The following SIGLECL1 variants were observed in gnomAD, a reference collection of about 807,000 sequenced individuals.
The protein encoded by SIGLECL1 is SIGLEC family like 1, also known as SIGLEC family-like protein 1.
In SIGLECL1, 16 loss-of-function variants were observed where a neutral mutation model predicts 19.1. The ratio of observed to expected loss-of-function variants is 0.84; its 90% confidence interval spans 0.57 to 1.27. SIGLECL1 has a LOEUF of 1.27. SIGLECL1 is among the 50% of genes most tolerant of loss of function. The pLI is 0.00. For missense variants in SIGLECL1, 210 were observed against 239.4 expected, an observed-to-expected ratio of 0.88 and a Z score of 0.81; for synonymous variants, 89 against 90.4, an observed-to-expected ratio of 0.98 and a Z score of 0.09.
rs1239086827 is a variant in SIGLECL1, at chr19:51,265,760, A to G, written c.305-17A>G. Reference sequence around the variant, plus strand: ...TTGGCTCCGATGCCAAACTTCTCACATGCTCTCTGCTTCCAGGAAAGAGTT... The same window carrying G: ...TTGGCTCCGATGCCAAACTTCTCACGTGCTCTCTGCTTCCAGGAAAGAGTT... On this transcript the variant is annotated splice_polypyrimidine_tract_variant and intron_variant, in intron 3 of 5. Coordinates refer to ENST00000601727, the MANE Select transcript of SIGLECL1 (RefSeq NM_001385465.1). 1.9e-6 allele frequency: 3 copies of G among 1,614,016 alleles called. No individual in the cohort carries two copies. Among genetic ancestry groups the G allele is most frequent in the Non-Finnish European group, 1.7e-6 (2 of 1,179,992 alleles).
intron 1 of SIGLECL1, among the ~76,000 whole-genome samples, chr19:51,257,370 C>A (rs1203394563): frequency 6.6e-6 from 1 of 150,474 alleles, no homozygotes; most frequent in Non-Finnish European, 1.5e-5. Context: ...TGCTCCGTTG[C>A]ACTCCATCCA....
intron 1 of SIGLECL1, among the ~76,000 whole-genome samples, chr19:51,253,102 CT>C (rs1402636157): frequency 5.3e-5 from 6 of 112,454 alleles, no homozygotes; most frequent in Middle Eastern, 8.2e-3. Context: ...ACTCCAGACC[CT>C]GTGTTAAAAA....
At chr19:51,266,280 A>G (rs898432568) in intron 4 of SIGLECL1, among the ~76,000 whole-genome samples, 6 of 152,130 alleles carry the variant, frequency 3.9e-5, no homozygotes, top group African/African-American at 1.2e-4. Context: ...CCAAAGTCCA[A>G]AAGTTCTCGA....
chr19:51,265,374 C>T lies in SIGLECL1; in HGVS notation c.29C>T (p.Ala10Val). Residue 10 changes from alanine to valine, a missense_variant, in exon 3 of 6, where the codon GCT becomes GTT. Coordinates refer to ENST00000601727, the MANE Select transcript of SIGLECL1 (RefSeq NM_001385465.1). MLPLLQLVP[A>V]KLLNSSCSLE... ...TGACCCTTCCTCCCCACAGTACCTG[C>T]TAAGCTGCTCAACTCCTCTTGCTCC... The T allele has an allele frequency of 7.5e-6, 12 of 1,609,402 alleles. No homozygotes were observed. Among genetic ancestry groups the T allele is most frequent in the Non-Finnish European group, 1.0e-5 (12 of 1,176,690 alleles).
intron 1 of SIGLECL1, among the ~76,000 whole-genome samples, chr19:51,256,843 A>G (rs1982841157): frequency 1.3e-5 from 2 of 152,178 alleles, no homozygotes; most frequent in Admixed American, 6.5e-5. Flanking sequence ...TGAAAATTCT[A>G]TAATCTCATC....
rs1164057684 is a variant in SIGLECL1 at position 51,269,285 on chromosome 19, CA to C, written c.*689del. 1.3e-5 allele frequency: 2 copies of C among 152,214 alleles called. No individual in the cohort carries two copies. Among genetic ancestry groups the C allele is most frequent in the Non-Finnish European group, 2.9e-5 (2 of 68,060 alleles). The allele number at this position is 152,214 out of a possible 1,614,324, so 9.4% of individuals were successfully genotyped here. ...TGTCTGCCTTGTTTTCTACTTTTAT[CA>C]CCAGCACCCAGAATGATGCCTAAAA... On this transcript the variant is annotated 3_prime_UTR_variant, in exon 6 of 6. Transcript: ENST00000601727.
At chr19:51,256,866 T>C (rs896174054) in intron 1 of SIGLECL1, among the ~76,000 whole-genome samples, 3 of 152,188 alleles carry the variant, frequency 2.0e-5, no homozygotes, top group African/African-American at 7.2e-5. Context: ...TGATCACTGC[T>C]CTAACCATAG....
In SIGLECL1 at chr19:51,263,958, A is replaced by G. The variant is rs2123439401; in HGVS notation, c.-115A>G. ...AGATACTTCTGCTCTCCCCATCCCC[A>G]CATCCTCTTTCAGTTACGCATCACC... On this transcript the variant is annotated 5_prime_UTR_variant, in exon 2 of 6. Transcript: ENST00000601727. The G allele has an allele frequency of 7.4e-7, 1 of 1,345,038 alleles. No homozygotes were observed. Among genetic ancestry groups the G allele is most frequent in the Non-Finnish European group, 1.0e-6 (1 of 962,554 alleles). The allele number at this position is 1,345,038 out of a possible 1,614,324, so 83.3% of individuals were successfully genotyped here.
Position 51,265,786 on chromosome 19 carries a change from C to A in SIGLECL1, c.314C>A (p.Ser105Tyr), listed in dbSNP as rs2123450882. Residue 105 changes from serine (S) to tyrosine (Y), a missense_variant, in exon 4 of 6, where the codon TCT becomes TAT. Transcript: ENST00000601727. The stretch of plus-strand genomic sequence containing the variant: ...TGCTCTCTGCTTCCAGGAAAGAGTT[C>A]TTTGGCTGCCCAGGCCTTCGTGAAA... ...LSILLMSRKS[S>Y]LAAQAFVKGL... is the part of the protein sequence containing the mutation. 1.2e-6 allele frequency: 2 copies of A among 1,614,212 alleles called. No individual in the cohort carries two copies. Among genetic ancestry groups the A allele is most frequent in the East Asian group, 2.2e-5 (1 of 44,880 alleles).
chr19:51,267,971 C>A (rs1039320812), intron 5 of SIGLECL1, among the ~76,000 whole-genome samples: 9 of 152,194 alleles, frequency 5.9e-5, no homozygotes, highest in African/African-American at 2.2e-4. Flanking sequence ...TACCCCACAT[C>A]TTCAGCAGGG....
chr19:51,255,155 G>A (rs556946400), intron 1 of SIGLECL1, among the ~76,000 whole-genome samples: 2 of 151,966 alleles, frequency 1.3e-5, no homozygotes, highest in South Asian at 4.2e-4. Context: ...AGCTACTCAG[G>A]AGGCTGAGGC....
In SIGLECL1 at chr19:51,265,636, C is replaced by A; in HGVS notation, c.291C>A (p.Ile97=). ...AAAACGGAACCCATGCTTTGAGCAT[C>A]CTACTGATGTCAAGTGAGGGTGGAG... The part of the protein sequence containing the change: ...KNQNGTHALS[I]LLMSRKSSLA... Residue 97 remains isoleucine (I), a synonymous_variant, in exon 3 of 6, where the codon ATC becomes ATA. Transcript: ENST00000601727. The A allele has an allele frequency of 6.2e-7, 1 of 1,613,452 alleles. No homozygotes were observed. The highest frequency in any genetic ancestry group is 8.5e-7 in the Non-Finnish European group (1 of 1,179,528).
At position 51,269,261 on chromosome 19, in the gene SIGLECL1, G is replaced by A. The variant is rs1199830553; in HGVS notation, c.*664G>A. 1 of 152,162 alleles carries A rather than the reference G, an allele frequency of 6.6e-6. No individual in the cohort carries two copies. Among genetic ancestry groups the A allele is most frequent in the African/African-American group, 2.4e-5 (1 of 41,426 alleles). The allele number at this position is 152,162 out of a possible 1,614,324, so 9.4% of individuals were successfully genotyped here. A position where few individuals can be genotyped will look rare whatever the true frequency, so the allele number is the denominator to read the frequency against. On this transcript the variant is annotated 3_prime_UTR_variant, in exon 6 of 6. Coordinates refer to ENST00000601727, the MANE Select transcript of SIGLECL1 (RefSeq NM_001385465.1). ...TAAGTTCCAAGAGAACAGGGACTTT[G>A]TCTGCCTTGTTTTCTACTTTTATCA...
At chr19:51,263,378 T>C (rs1599798147) in intron 1 of SIGLECL1, among the ~76,000 whole-genome samples, 1 of 152,206 alleles carries the variant, frequency 6.6e-6, no homozygotes, top group Admixed American at 6.5e-5. Context: ...CTAAACATTA[T>C]CATATTTTTC....
rs1374051466 is a variant in SIGLECL1, at chr19:51,265,580, G to C, written c.235G>C (p.Gly79Arg). The part of the protein sequence containing the change: ...TISLTEEPEM[G>R]MRLLCEGKNQ... ...CAGCCTAACTGAAGAGCCAGAAATG[G>C]GCATGAGACTTCTCTGTGAGGGGAA... is the stretch of plus-strand genomic sequence containing the variant. The change falls in exon 3 of 6, where the codon GGC becomes CGC. Residue 79 changes from glycine (G) to arginine (R), a missense_variant. By Grantham distance (125) the Gly-to-Arg change is moderately radical. Coordinates refer to ENST00000601727, the MANE Select transcript of SIGLECL1 (RefSeq NM_001385465.1). 1.2e-6 allele frequency: 2 copies of C among 1,614,020 alleles called. No individual in the cohort carries two copies. Among genetic ancestry groups the C allele is most frequent in the Non-Finnish European group, 1.7e-6 (2 of 1,180,032 alleles).
chr19:51,264,315 G>A, intron 2 of SIGLECL1: 1 of 522,770 alleles, frequency 1.9e-6, no homozygotes, highest in Non-Finnish European at 3.4e-6. Flanking sequence ...GGAGAGGGAT[G>A]GAGAGTGTAG....
At chr19:51,247,219 A>T (rs1982291548), upstream of SIGLECL1, among the ~76,000 whole-genome samples, 1 of 152,172 alleles carries the variant, frequency 6.6e-6, no homozygotes, top group African/African-American at 2.4e-5. Context: ...TGTACACACA[A>T]GATGTCAGTA....
At chr19:51,265,994 T>G in intron 4 of SIGLECL1, 112 bp downstream of exon 4, 1 of 1,019,280 alleles carries the variant, frequency 9.8e-7, no homozygotes, top group Admixed American at 2.0e-5. Context: ...GAGCTTAGGG[T>G]CTAAAGAGGG....
chr19:51,250,090 T>G (rs1982402350), upstream of SIGLECL1, among the ~76,000 whole-genome samples: 1 of 151,718 alleles, frequency 6.6e-6, no homozygotes. Context: ...GCTTCTTTTT[T>G]TTTTTTTTCC....
Sources: gnomAD v4.1 joint callset for allele counts (sites outside exome capture counted in the v4.1 genomes callset) on GRCh38, gnomAD v4.1.1 for gene constraint, MANE v1.5 for transcripts, NCBI Gene and HGNC (gene_info 2026-07-23, HGNC 2026-07-21) for gene names.